ITGAV: variants seen among roughly 807,000 people sequenced by gnomAD.
ITGAV encodes integrin alpha-V.
A neutral mutation model predicts 143.8 loss-of-function variants in ITGAV; 76 were observed. That is an observed-to-expected ratio of 0.53 (90% CI 0.44 to 0.64). The LOEUF is 0.64. ITGAV is among the 30% of genes least tolerant of loss of function. The probability of loss-of-function intolerance (pLI) is 0.00; values close to 1 mark genes in which losing one functional copy is unlikely to be tolerated. For missense variants in ITGAV, 1,193 were observed against 1,274.7 expected (o/e 0.94, Z 0.98); for synonymous variants, 453 against 446.7 (o/e 1.01, Z -0.18).
intron 25 of ITGAV, among the ~76,000 whole-genome samples, chr2:186,669,477 C>A (rs1689002427): frequency 6.6e-6 from 1 of 152,168 alleles, no homozygotes; most frequent in Non-Finnish European, 1.5e-5. Context: ...TAAGCAAGGG[C>A]TGAAAATAAT....
At chr2:186,641,025 A>T in intron 11 of ITGAV, 58 bp downstream of exon 11, 1 of 1,253,692 alleles carries the variant, frequency 8.0e-7, no homozygotes, top group Non-Finnish European at 1.1e-6. Flanking sequence ...CGAATACTTT[A>T]CTCAAACTAA....
In ITGAV at chr2:186,668,482, G is replaced by A. The variant is rs954326578; in HGVS notation, c.2434-280G>A. 15 of 309,412 alleles carry A rather than the reference G, an allele frequency of 4.8e-5. 1 individual carries two copies. Among genetic ancestry groups the A allele is most frequent in the South Asian group, 2.9e-4 (10 of 34,904 alleles). The allele number at this position is 309,412 out of a possible 1,614,324, so 19.2% of individuals were successfully genotyped here. Reference sequence around the variant, plus strand: ...ATGAACTCCTGACCTCAAGAGATCCGCCCGCCTCGGCCTCCCAAAGTGCTG... The same window carrying A: ...ATGAACTCCTGACCTCAAGAGATCCACCCGCCTCGGCCTCCCAAAGTGCTG... On this transcript the variant is annotated intron_variant, in intron 24 of 29. Coordinates refer to ENST00000261023, the MANE Select transcript of ITGAV (RefSeq NM_002210.5).
At chr2:186,623,721 C>T (rs1214889334) in intron 3 of ITGAV, among the ~76,000 whole-genome samples, 1 of 152,106 alleles carries the variant, frequency 6.6e-6, no homozygotes, top group African/African-American at 2.4e-5. Context: ...AAATAAAAAA[C>T]TATTATTATA....
intron 6 of ITGAV, 83 bp downstream of exon 6, chr2:186,633,457 A>G: frequency 1.5e-6 from 1 of 688,606 alleles, no homozygotes; most frequent in East Asian, 2.7e-5. Context: ...GACATTTTAC[A>G]AATTATTTTA....
At chr2:186,629,352 A>T (rs1687758547) in intron 4 of ITGAV, among the ~76,000 whole-genome samples, 1 of 152,076 alleles carries the variant, frequency 6.6e-6, no homozygotes. Flanking sequence ...CAGTATGATA[A>T]TCAAAAAAAG....
chr2:186,648,042 A>G (rs1252708800), intron 13 of ITGAV, among the ~76,000 whole-genome samples: 1 of 152,184 alleles, frequency 6.6e-6, no homozygotes, highest in Non-Finnish European at 1.5e-5. Context: ...ATGCTTTTAT[A>G]TGCTATTCAT....
At chr2:186,675,773 A>G (rs186886627) in intron 27 of ITGAV, 47 bp from the exon 28 acceptor site, 434 of 1,541,252 alleles carry the variant, frequency 2.8e-4, no homozygotes, top group Non-Finnish European at 3.7e-4. Flanking sequence ...AAATAAATAT[A>G]AAAGGCCTGA....
rs562227419 is a variant in ITGAV, at chr2:186,624,783, C to T, written c.409-690C>T. Among the ~76,000 whole-genome samples, 11 of 152,194 alleles carry T rather than the reference C, an allele frequency of 7.2e-5. No homozygotes were observed. The South Asian group carries it at 2.3e-3, about 32-fold the overall frequency. On this transcript the variant is annotated intron_variant, in intron 3 of 29. Transcript: ENST00000261023. ...ATTTGGAAAGTAAATAAAATAAGTACTGCGCATTATTTTACTCTCTTAATA... is the reference window on the plus strand; with the variant it reads ...ATTTGGAAAGTAAATAAAATAAGTATTGCGCATTATTTTACTCTCTTAATA...
intron 2 of ITGAV, among the ~76,000 whole-genome samples, chr2:186,607,649 T>C (rs996214918): frequency 2.0e-5 from 3 of 152,166 alleles, no homozygotes; most frequent in African/African-American, 7.2e-5. Context: ...TATAGCATAA[T>C]GGGAACTAAA....
chr2:186,664,649 G>A lies in ITGAV; in HGVS notation c.2073+8G>A, dbSNP rs573908614. On this transcript the variant is annotated splice_region_variant and intron_variant, in intron 20 of 29. Transcript: ENST00000261023. ...GTTGTCCGAAACAATGAAGTAAGCA[G>A]GCTGCCTCTTTAAAAATTGAAATGC... The A allele has an allele frequency of 1.1e-5, 17 of 1,613,914 alleles. No individual in the cohort carries two copies. The highest frequency in any genetic ancestry group is 8.0e-5 in the African/African-American group (6 of 75,012).
chr2:186,644,874 T>C (rs1688210145), intron 12 of ITGAV, among the ~76,000 whole-genome samples: 1 of 151,612 alleles, frequency 6.6e-6, no homozygotes, highest in African/African-American at 2.4e-5. Flanking sequence ...ATCCCAGGCT[T>C]AATGGTCTCA....
intron 1 of ITGAV, among the ~76,000 whole-genome samples, chr2:186,596,095 C>G (rs543890323): frequency 6.6e-6 from 1 of 152,246 alleles, no homozygotes; most frequent in South Asian, 2.1e-4. Flanking sequence ...AATTAAATCC[C>G]ATCATCTTGT....
At chr2:186,673,740 T>A (rs958158156) in intron 26 of ITGAV, among the ~76,000 whole-genome samples, 44 of 152,118 alleles carry the variant, frequency 2.9e-4, no homozygotes, top group African/African-American at 1.0e-3. Context: ...TGATCTCGAC[T>A]CATTGCAACC....
At chr2:186,657,426 G>A (rs1289254032) in intron 17 of ITGAV, among the ~76,000 whole-genome samples, 4 of 152,170 alleles carry the variant, frequency 2.6e-5, no homozygotes, top group African/African-American at 9.7e-5. Flanking sequence ...CAGTGCAGTT[G>A]TTAGAAATCC....
chr2:186,592,258 T>C (rs955086234), intron 1 of ITGAV, among the ~76,000 whole-genome samples: 5 of 152,084 alleles, frequency 3.3e-5, no homozygotes, highest in African/African-American at 9.7e-5. Context: ...GGCAACATGG[T>C]GAAACCCTGT....
intron 1 of ITGAV, among the ~76,000 whole-genome samples, chr2:186,595,394 A>G (rs1686720992): frequency 6.6e-6 from 1 of 152,164 alleles, no homozygotes; most frequent in African/African-American, 2.4e-5. Context: ...TACAGTTTGG[A>G]TAGGGAGTGC....
rs781108734 is a variant in ITGAV at position 186,667,662 on chromosome 2, A to G, written c.2328-9A>G. On this transcript the variant is annotated splice_polypyrimidine_tract_variant and intron_variant, in intron 23 of 29. Coordinates refer to ENST00000261023, the MANE Select transcript of ITGAV (RefSeq NM_002210.5). ...TATTCATGGTAGGTTTTCTTTGGTC[A>G]TTGTTTAGAGTCTCGAGTCCTGATC... is the stretch of plus-strand genomic sequence containing the variant. The G allele has an allele frequency of 6.6e-7, 1 of 1,524,214 alleles. No homozygotes were observed. Among genetic ancestry groups the G allele is most frequent in the South Asian group, 1.2e-5 (1 of 86,342 alleles). The allele number at this position is 1,524,214 out of a possible 1,614,324, so 94.4% of individuals were successfully genotyped here.
At chr2:186,617,210 A>C (rs936778009) in intron 2 of ITGAV, among the ~76,000 whole-genome samples, 1 of 152,170 alleles carries the variant, frequency 6.6e-6, no homozygotes, top group Non-Finnish European at 1.5e-5. Context: ...CCATTTCACA[A>C]AAAGGTGACA....
At chr2:186,633,539 T>C (rs1369681134) in intron 6 of ITGAV, among the ~76,000 whole-genome samples, 165 bp downstream of exon 6, 2 of 150,690 alleles carry the variant, frequency 1.3e-5, no homozygotes, top group Non-Finnish European at 3.0e-5. Context: ...AAAGAATATA[T>C]ATAATATATA....
Sources: allele counts gnomAD v4.1 joint callset (sites outside exome capture counted in the v4.1 genomes callset), GRCh38; gene constraint gnomAD v4.1.1; transcripts MANE v1.5; gene names NCBI Gene and HGNC (gene_info 2026-07-23, HGNC 2026-07-21).